The following LEF1 variants were observed in gnomAD, a reference collection of about 807,000 sequenced individuals.
The protein encoded by LEF1 is lymphoid enhancer binding factor 1.
Under a neutral mutation model 51.2 loss-of-function variants are expected in LEF1, and 14 were observed. The observed-to-expected ratio is 0.27, with a 90% CI of 0.18 to 0.43. The LOEUF (loss-of-function observed/expected upper bound fraction) is 0.43. Ranked by LOEUF, LEF1 falls within the 20% of genes least tolerant of loss-of-function variation. The pLI, the probability that LEF1 is intolerant of heterozygous loss-of-function variation, is 1.00. For synonymous variants in LEF1, 185 were observed against 183.2 expected (o/e 1.01, Z -0.08); for missense variants, 386 against 512.0 (o/e 0.75, Z 2.37).
chr4:108,144,324 C>T (rs145096698), intron 3 of LEF1, among the ~76,000 whole-genome samples: 24 of 152,268 alleles, frequency 1.6e-4, no homozygotes, highest in Admixed American at 9.8e-4. Flanking sequence ...AAGAACAAAG[C>T]TGGCCCCAGG....
intron 3 of LEF1, among the ~76,000 whole-genome samples, chr4:108,114,471 C>G (rs935996368): frequency 6.6e-6 from 1 of 152,118 alleles, no homozygotes; most frequent in African/African-American, 2.4e-5. Context: ...AAACAACACA[C>G]AAGCATCTTA....
intron 3 of LEF1, among the ~76,000 whole-genome samples, chr4:108,128,602 C>T (rs1161494269): frequency 6.6e-6 from 1 of 151,296 alleles, no homozygotes; most frequent in Non-Finnish European, 1.5e-5. Context: ...AAGGCTGATT[C>T]TAAAGGAGCT....
At chr4:108,109,262 C>T (rs762213354) in intron 3 of LEF1, among the ~76,000 whole-genome samples, 1 of 152,174 alleles carries the variant, frequency 6.6e-6, no homozygotes, top group Admixed American at 6.5e-5. Flanking sequence ...CCTCGGCGCT[C>T]AATTCATTTC....
chr4:108,102,167 T>C (rs1170854526), intron 3 of LEF1, among the ~76,000 whole-genome samples: 1 of 152,134 alleles, frequency 6.6e-6, no homozygotes, highest in Non-Finnish European at 1.5e-5. Flanking sequence ...ACTGGTTTAA[T>C]GGCAACGTGC....
intron 3 of LEF1, among the ~76,000 whole-genome samples, chr4:108,159,720 G>A (rs1284163982): frequency 1.3e-5 from 2 of 152,068 alleles, no homozygotes; most frequent in Non-Finnish European, 2.9e-5. Context: ...AGTTATAATA[G>A]GTATAATTCT....
chr4:108,054,768 CAA>C (rs200432320), intron 11 of LEF1, among the ~76,000 whole-genome samples: 1 of 150,900 alleles, frequency 6.6e-6, no homozygotes, highest in Non-Finnish European at 1.5e-5. Flanking sequence ...AATCCCAATA[CAA>C]AAAAAAAGTT....
intron 3 of LEF1, among the ~76,000 whole-genome samples, chr4:108,124,478 T>C (rs950523175): frequency 1.3e-5 from 2 of 151,994 alleles, no homozygotes; most frequent in African/African-American, 4.8e-5. Context: ...CAAGTGATTC[T>C]CCTGCCTCAG....
chr4:108,083,411 T>C lies in LEF1; in HGVS notation c.583A>G (p.Thr195Ala), dbSNP rs1739445314. Residue 195 changes from threonine (T) to alanine (A), a missense_variant, in exon 5 of 12, where the codon ACT (threonine) becomes GCT (alanine). By Grantham distance (58) the Thr-to-Ala change is moderately conservative. Around this residue, in one of 2 missense-constraint regions of LEF1, gnomAD observed 335 missense variants for 390.7 expected, o/e 0.86. Coordinates refer to ENST00000265165, the MANE Select transcript of LEF1 (RefSeq NM_016269.5). The part of the protein sequence containing the change: ...SRHPPAPDIP[T>A]FYPLSPGGVG... Reference sequence around the variant, plus strand: ...CCACCCGGAGACAAGGGATAAAAAGTAGGGATATCAGGAGCTGGAGGATGT... The same window carrying C: ...CCACCCGGAGACAAGGGATAAAAAGCAGGGATATCAGGAGCTGGAGGATGT... 1.9e-6 allele frequency: 3 copies of C among 1,613,596 alleles called. No individual in the cohort carries two copies. Among genetic ancestry groups the C allele is most frequent in the Non-Finnish European group, 2.5e-6 (3 of 1,179,704 alleles).
Position 108,048,382 on chromosome 4 carries a change from G to A in LEF1, c.*376C>T, listed in dbSNP as rs530671468. 1.3e-5 allele frequency: 3 copies of A among 236,234 alleles called. No homozygotes were observed. Among genetic ancestry groups the A allele is most frequent in the East Asian group, 7.9e-5 (1 of 12,708 alleles). The allele number at this position is 236,234 out of a possible 1,614,324, so 14.6% of individuals were successfully genotyped here. A position where few individuals can be genotyped will look rare whatever the true frequency, so the allele number is the denominator to read the frequency against. On this transcript the variant is annotated 3_prime_UTR_variant, in exon 12 of 12. Transcript: ENST00000265165. Reference sequence around the variant, plus strand: ...ATGCAGCCAAGTTACCGTCCTTGCCGAAAGGTTACAGGTTTGGATGCAAGA... The same window carrying A: ...ATGCAGCCAAGTTACCGTCCTTGCCAAAAGGTTACAGGTTTGGATGCAAGA...
chr4:108,060,549 C>A (rs901851244), intron 11 of LEF1, among the ~76,000 whole-genome samples: 1 of 152,062 alleles, frequency 6.6e-6, no homozygotes, highest in African/African-American at 2.4e-5. Context: ...CATAACGTGA[C>A]GCTCTGTTCC....
intron 5 of LEF1, 36 bp from the exon 6 acceptor site, chr4:108,081,705 A>C (rs941939307): frequency 6.7e-7 from 1 of 1,490,826 alleles, no homozygotes; most frequent in South Asian, 1.1e-5. Flanking sequence ...ATCAATGACA[A>C]AACACCAGTT....
chr4:108,153,855 A>G (rs979130948), intron 3 of LEF1, among the ~76,000 whole-genome samples: 1 of 152,158 alleles, frequency 6.6e-6, no homozygotes, highest in Non-Finnish European at 1.5e-5. Context: ...ATAGAAAAAG[A>G]TATACATAAT....
Position 108,165,146 on chromosome 4 carries a change from T to C in LEF1, c.231A>G (p.Gln77=). 1.9e-6 allele frequency: 3 copies of C among 1,614,128 alleles called. No individual in the cohort carries two copies. Among genetic ancestry groups the C allele is most frequent in the Non-Finnish European group, 2.5e-6 (3 of 1,180,018 alleles). ...TGTCGTGGTAGGGCTCCTGAGAGGT[T>C]TGTGCTTGTCTGGCCACCTAACATC... ...SNGHEVARQA[Q]TSQEPYHDKA... Residue 77 remains glutamine (Q), a synonymous_variant, in exon 2 of 12, where the codon CAA becomes CAG. Transcript: ENST00000265165.
intron 3 of LEF1, among the ~76,000 whole-genome samples, chr4:108,126,766 A>G (rs960050770): frequency 4.0e-5 from 6 of 149,466 alleles, no homozygotes; most frequent in South Asian, 2.2e-4. Flanking sequence ...GATCGCGCCA[A>G]TATAGTCCAG....
intron 11 of LEF1, among the ~76,000 whole-genome samples, chr4:108,052,333 G>A (rs978335089): frequency 3.9e-5 from 6 of 152,208 alleles, no homozygotes; most frequent in African/African-American, 7.2e-5. Context: ...TTTCTTCGTC[G>A]TCCTCTTCCT....
intron 3 of LEF1, among the ~76,000 whole-genome samples, chr4:108,126,770 A>G (rs1379736309): frequency 6.8e-6 from 1 of 146,138 alleles, no homozygotes; most frequent in East Asian, 2.0e-4. Context: ...GCGCCAATAT[A>G]GTCCAGTCTG....
At chr4:108,085,283 C>T (rs938716360) in intron 4 of LEF1, among the ~76,000 whole-genome samples, 4 of 152,184 alleles carry the variant, frequency 2.6e-5, no homozygotes, top group South Asian at 2.1e-4. Context: ...AGGGCTTCGC[C>T]ATGTTGGCCA....
chr4:108,093,213 C>T (rs916443079), intron 3 of LEF1, among the ~76,000 whole-genome samples: 9 of 152,204 alleles, frequency 5.9e-5, no homozygotes, highest in African/African-American at 1.9e-4. Flanking sequence ...ACTCCAGTAA[C>T]GCAGGGACAC....
intron 1 of LEF1, 105 bp from the exon 2 acceptor site, chr4:108,165,268 A>T (rs1745314209): frequency 9.8e-7 from 1 of 1,016,516 alleles, no homozygotes; most frequent in Non-Finnish European, 1.6e-6. Flanking sequence ...GAAGAGGTTT[A>T]GGGGCAACTC....
Sources: gnomAD v4.1 joint callset for allele counts (sites outside exome capture counted in the v4.1 genomes callset) on GRCh38, gnomAD v4.1.1 for gene constraint, gnomAD v4.1.1 regional missense constraint, MANE v1.5 for transcripts, NCBI Gene and HGNC (gene_info 2026-07-23, HGNC 2026-07-21) for gene names.